ABHD17C: variants seen among roughly 807,000 people sequenced by gnomAD.
The protein encoded by ABHD17C is alpha/beta hydrolase domain-containing protein 17C.
In ABHD17C, 11 loss-of-function variants were observed where a neutral mutation model predicts 27.9. The observed-to-expected ratio is 0.39, with a 90% CI of 0.25 to 0.65. The LOEUF (loss-of-function observed/expected upper bound fraction) is 0.65. ABHD17C is among the 30% of genes least tolerant of loss of function. ABHD17C has a pLI of 0.45. For synonymous variants in ABHD17C, 233 were observed against 209.1 expected (o/e 1.11, Z -0.98); for missense variants, 280 against 470.2 (o/e 0.60, Z 3.74).
intron 1 of ABHD17C, among the ~76,000 whole-genome samples, chr15:80,742,304 C>G (rs1055955898): frequency 6.6e-6 from 1 of 152,082 alleles, no homozygotes; most frequent in African/African-American, 2.4e-5. Flanking sequence ...GTGCTGCATT[C>G]CCACTTGGAG....
chr15:80,713,666 G>A (rs141138337), intron 1 of ABHD17C, among the ~76,000 whole-genome samples: 1 of 151,656 alleles, frequency 6.6e-6, no homozygotes, highest in African/African-American at 2.4e-5. Context: ...AAAATTAGCC[G>A]AGCGTGGTGG....
intron 1 of ABHD17C, among the ~76,000 whole-genome samples, chr15:80,749,174 A>G (rs931948976): frequency 6.6e-6 from 1 of 152,216 alleles, no homozygotes; most frequent in African/African-American, 2.4e-5. Flanking sequence ...CAAAGAAAAT[A>G]TAAAGGGGGA....
chr15:80,751,610 T>G (rs936598450), intron 2 of ABHD17C, among the ~76,000 whole-genome samples: 2 of 152,142 alleles, frequency 1.3e-5, no homozygotes, highest in African/African-American at 4.8e-5. Flanking sequence ...TAGCCAGCCA[T>G]AGTGGTACAC....
At chr15:80,743,175 G>A (rs1291415163) in intron 1 of ABHD17C, among the ~76,000 whole-genome samples, 1 of 152,130 alleles carries the variant, frequency 6.6e-6, no homozygotes, top group African/African-American at 2.4e-5. Flanking sequence ...AGTTCTGGGA[G>A]GGGTAAGAAT....
intron 1 of ABHD17C, among the ~76,000 whole-genome samples, chr15:80,710,156 A>G (rs940332474): frequency 6.6e-6 from 1 of 152,118 alleles, no homozygotes; most frequent in African/African-American, 2.4e-5. Flanking sequence ...GGGGTTAGCT[A>G]TGTGCAGAAA....
At chr15:80,746,447 TC>T (rs1375514174) in intron 1 of ABHD17C, among the ~76,000 whole-genome samples, 1 of 152,150 alleles carries the variant, frequency 6.6e-6, no homozygotes, top group Non-Finnish European at 1.5e-5. Context: ...CTTTTTTTTT[TC>T]TTTATGACTA....
At chr15:80,707,377 A>C (rs1404684220) in intron 1 of ABHD17C, among the ~76,000 whole-genome samples, 1 of 152,228 alleles carries the variant, frequency 6.6e-6, no homozygotes, top group African/African-American at 2.4e-5. Context: ...GACATACTGC[A>C]GTCTTTCTTC....
At chr15:80,752,959 A>C (rs919920746) in intron 2 of ABHD17C, among the ~76,000 whole-genome samples, 2 of 152,208 alleles carry the variant, frequency 1.3e-5, no homozygotes, top group African/African-American at 4.8e-5. Flanking sequence ...GTCATTTGGA[A>C]TAAAATCTAG....
intron 1 of ABHD17C, among the ~76,000 whole-genome samples, chr15:80,732,892 C>T (rs2141512220): frequency 6.6e-6 from 1 of 152,286 alleles, no homozygotes; most frequent in Non-Finnish European, 1.5e-5. Flanking sequence ...TTGTGGTGTC[C>T]TGGGGCTGCA....
intron 1 of ABHD17C, among the ~76,000 whole-genome samples, chr15:80,699,989 C>T (rs927756725): frequency 2.0e-5 from 3 of 152,190 alleles, no homozygotes; most frequent in Non-Finnish European, 4.4e-5. Flanking sequence ...GAATTGAAAT[C>T]ACTTAGACAT....
At chr15:80,726,217 G>A (rs536639525) in intron 1 of ABHD17C, among the ~76,000 whole-genome samples, 1 of 152,270 alleles carries the variant, frequency 6.6e-6, no homozygotes, top group East Asian at 1.9e-4. Flanking sequence ...TTCCACCCTG[G>A]GCGGGCCAGG....
intron 1 of ABHD17C, among the ~76,000 whole-genome samples, chr15:80,720,245 T>A (rs1469364700): frequency 6.6e-6 from 1 of 152,026 alleles, no homozygotes; most frequent in African/African-American, 2.4e-5. Flanking sequence ...AATTTTCTGC[T>A]TCCCTGCCCA....
chr15:80,700,633 C>T (rs1454389559), intron 1 of ABHD17C, among the ~76,000 whole-genome samples: 1 of 152,136 alleles, frequency 6.6e-6, no homozygotes, highest in Non-Finnish European at 1.5e-5. Flanking sequence ...TGTGGCGGCT[C>T]ATACCTGTAA....
At position 80,732,124 on chromosome 15, in the gene ABHD17C, C is replaced by T. The variant is rs181159598; in HGVS notation, c.591-17389C>T. Among the ~76,000 whole-genome samples, 59 of 152,290 alleles carry T rather than the reference C, an allele frequency of 3.9e-4. 1 individual carries two copies. Among genetic ancestry groups the T allele is most frequent in the African/African-American group, 9.1e-4 (38 of 41,562 alleles). On this transcript the variant is annotated intron_variant, in intron 1 of 2. Coordinates refer to ENST00000258884, the MANE Select transcript of ABHD17C (RefSeq NM_021214.2). Reference sequence around the variant, plus strand: ...GAGCTAAAGGAGGGGGTGGTGATAACTAATGTGACTGGGCAGCTACACACC... The same window carrying T: ...GAGCTAAAGGAGGGGGTGGTGATAATTAATGTGACTGGGCAGCTACACACC...
chr15:80,754,433 T>G lies in ABHD17C; in HGVS notation c.*63T>G. On this transcript the variant is annotated 3_prime_UTR_variant, in exon 3 of 3. Transcript: ENST00000258884. ...GAAGAGTCCTCTGTTTTGCACATGC[T>G]TTAACTGGGTAGCTGTAAAGGCTTG... 1 of 1,389,028 alleles carries G rather than the reference T, an allele frequency of 7.2e-7. No homozygotes were observed. Among genetic ancestry groups the G allele is most frequent in the Non-Finnish European group, 9.9e-7 (1 of 1,010,964 alleles). 86.0% of individuals were successfully genotyped at this position (1,389,028 alleles called of 1,614,324 possible). A position where few individuals can be genotyped will look rare whatever the true frequency, so the allele number is the denominator to read the frequency against.
chr15:80,726,802 G>T (rs533486907), intron 1 of ABHD17C, among the ~76,000 whole-genome samples: 47 of 152,304 alleles, frequency 3.1e-4, no homozygotes, highest in Non-Finnish European at 5.4e-4. Flanking sequence ...TGGGATTACA[G>T]GCGTGAGCCG....
At chr15:80,737,579 C>T (rs914649924) in intron 1 of ABHD17C, among the ~76,000 whole-genome samples, 3 of 152,194 alleles carry the variant, frequency 2.0e-5, no homozygotes, top group Non-Finnish European at 2.9e-5. Context: ...GAGCTTACAT[C>T]GTCATTGTAA....
chr15:80,729,818 G>A lies in ABHD17C; in HGVS notation c.591-19695G>A, dbSNP rs147751213. On this transcript the variant is annotated intron_variant, in intron 1 of 2. Coordinates refer to ENST00000258884, the MANE Select transcript of ABHD17C (RefSeq NM_021214.2). ...TTGAGGTCCAGTGGGTTTTGAAAGAGGAGAGAACTCAGGCCGGGTGCAGTG... is the reference window on the plus strand; with the variant it reads ...TTGAGGTCCAGTGGGTTTTGAAAGAAGAGAGAACTCAGGCCGGGTGCAGTG... Among the ~76,000 whole-genome samples, 972 of 152,236 alleles carry A rather than the reference G, an allele frequency of 6.4e-3. 33 individuals are homozygous for A. Among genetic ancestry groups the A allele is most frequent in the Admixed American group, 0.047 (717 of 15,278 alleles).
At chr15:80,720,029 G>C (rs1386100728) in intron 1 of ABHD17C, among the ~76,000 whole-genome samples, 1 of 152,100 alleles carries the variant, frequency 6.6e-6, no homozygotes, top group Non-Finnish European at 1.5e-5. Context: ...TGAACTCCTG[G>C]GCTCAAGAAG....
Sources: gnomAD v4.1 joint callset for allele counts (sites outside exome capture counted in the v4.1 genomes callset) on GRCh38, gnomAD v4.1.1 for gene constraint, MANE v1.5 for transcripts, NCBI Gene and HGNC (gene_info 2026-07-23, HGNC 2026-07-21) for gene names.